The following PCDHGA7 variants were observed in gnomAD, a reference collection of about 807,000 sequenced individuals.
PCDHGA7 encodes protocadherin gamma-A7.
A neutral mutation model predicts 58.3 loss-of-function variants in PCDHGA7; 44 were observed. The ratio of observed to expected loss-of-function variants is 0.75; its 90% CI spans 0.59 to 0.97. PCDHGA7 has a LOEUF of 0.97. Ranked by LOEUF, PCDHGA7 falls within the 50% of genes least tolerant of loss-of-function variation. The pLI is 0.00. For missense variants in PCDHGA7, 1,266 were observed against 1,188.7 expected (o/e 1.06, Z -0.96); for synonymous variants, 516 against 504.2 (o/e 1.02, Z -0.31).
Position 141,408,609 on chromosome 5 carries a change from A to T in PCDHGA7, c.2424+23286A>T, listed in dbSNP as rs765291231. 3 of 1,613,970 alleles carry T rather than the reference A, an allele frequency of 1.9e-6. No homozygotes were observed. The highest frequency in any genetic ancestry group is 2.5e-6 in the Non-Finnish European group (3 of 1,179,916). On this transcript the variant is annotated intron_variant, in intron 1 of 3. Coordinates refer to ENST00000518325, the MANE Select transcript of PCDHGA7 (RefSeq NM_018920.4). ...GACCACGCCCCTCAATTTGATAAAA[A>T]GGAAATACATTTAGAAATTTTCGAA...
At chr5:141,428,185 G>T (rs775261215) in intron 1 of PCDHGA7, 286 of 1,446,232 alleles carry the variant, frequency 2.0e-4, no homozygotes, top group Non-Finnish European at 2.5e-4. Context: ...GAGGACAGCC[G>T]CCGCTCTCTG....
intron 2 of PCDHGA7, among the ~76,000 whole-genome samples, chr5:141,498,949 AAGAG>A (rs1417276243): frequency 1.3e-4 from 18 of 133,552 alleles, no homozygotes; most frequent in African/African-American, 1.9e-4. Context: ...AAGAAAGAAA[AAGAG>A]AGAGAGGGAG....
chr5:141,496,747 A>T (rs13188028), intron 2 of PCDHGA7, among the ~76,000 whole-genome samples: 1 of 152,124 alleles, frequency 6.6e-6, no homozygotes, highest in Non-Finnish European at 1.5e-5. Context: ...CATTTATTCA[A>T]CAAATATTTA....
intron 1 of PCDHGA7, among the ~76,000 whole-genome samples, chr5:141,400,971 C>T (rs1161811260): frequency 6.6e-6 from 1 of 152,138 alleles, no homozygotes; most frequent in African/African-American, 2.4e-5. Flanking sequence ...TCATCTCTTT[C>T]TTATGTTCCT....
At chr5:141,409,438 A>C (rs1459982502) in intron 1 of PCDHGA7, 1 of 1,613,866 alleles carries the variant, frequency 6.2e-7, no homozygotes, top group Non-Finnish European at 8.5e-7. Context: ...CCCTGGACCG[A>C]GAGCAGACAC....
chr5:141,413,989 G>C, intron 1 of PCDHGA7: 1 of 1,613,400 alleles, frequency 6.2e-7, no homozygotes, highest in East Asian at 2.2e-5. Context: ...CACAGCCACC[G>C]ACAGGGACGA....
intron 3 of PCDHGA7, among the ~76,000 whole-genome samples, chr5:141,510,504 G>A (rs371169260): frequency 1.3e-5 from 2 of 152,154 alleles, no homozygotes; most frequent in African/African-American, 4.8e-5. Flanking sequence ...AAGGAACTGA[G>A]AGCCCGTGTC....
At chr5:141,390,462 A>C in intron 1 of PCDHGA7, 1 of 732,308 alleles carries the variant, frequency 1.4e-6, no homozygotes, top group South Asian at 2.0e-5. Context: ...AAGTAGGAGC[A>C]ATTGTGTGGC....
At position 141,485,833 on chromosome 5, in the gene PCDHGA7, G is replaced by A. The variant is rs780944737; in HGVS notation, c.2425-8974G>A. 64 of 1,613,904 alleles carry A rather than the reference G, an allele frequency of 4.0e-5. No homozygotes were observed. Among genetic ancestry groups the A allele is most frequent in the Non-Finnish European group, 2.5e-6 (3 of 1,180,004 alleles). On this transcript the variant is annotated intron_variant, in intron 1 of 3. Coordinates refer to ENST00000518325, the MANE Select transcript of PCDHGA7 (RefSeq NM_018920.4). This position sits in a 1 kb window ranked among gnomAD's most constrained non-coding sequence, Gnocchi z 5.7. Reference sequence around the variant, plus strand: ...TGACTGCTGTCGATGGAGGGAACCCGCCGAGATCTGGCACCGCAGAGCTCC... The same window carrying A: ...TGACTGCTGTCGATGGAGGGAACCCACCGAGATCTGGCACCGCAGAGCTCC...
In PCDHGA7 at chr5:141,432,265, G is replaced by A. The variant is rs756993242; in HGVS notation, c.2424+46942G>A. On this transcript the variant is annotated intron_variant, in intron 1 of 3. Transcript: ENST00000518325. The surrounding 1 kb of genome is among the most constrained non-coding windows in gnomAD (Gnocchi z 6.0). ...ACACCATCCAAGGGGCAAGCCTATCGTCCTACGTGTCCATCAACTCCGACA... is the reference window on the plus strand; with the variant it reads ...ACACCATCCAAGGGGCAAGCCTATCATCCTACGTGTCCATCAACTCCGACA... 2.5e-6 allele frequency: 4 copies of A among 1,614,092 alleles called. No individual in the cohort carries two copies. The highest frequency in any genetic ancestry group is 1.7e-5 in the Admixed American group (1 of 60,004).
intron 1 of PCDHGA7, chr5:141,419,897 A>G: frequency 1.2e-6 from 2 of 1,613,960 alleles, no homozygotes; most frequent in African/African-American, 2.7e-5. Flanking sequence ...CGACCATCCC[A>G]CACCCTCTGA....
At chr5:141,415,079 C>A (rs1388248799) in intron 1 of PCDHGA7, 1 of 1,613,380 alleles carries the variant, frequency 6.2e-7, no homozygotes, top group Non-Finnish European at 8.5e-7. Context: ...ACGGCGCGAG[C>A]CCTGCTGGAC....
At chr5:141,465,657 G>A (rs904553709) in intron 1 of PCDHGA7, among the ~76,000 whole-genome samples, 4 of 152,130 alleles carry the variant, frequency 2.6e-5, no homozygotes, top group East Asian at 1.9e-4. Flanking sequence ...CCAAAAAAGC[G>A]CTTGCCATGA....
intron 1 of PCDHGA7, among the ~76,000 whole-genome samples, chr5:141,437,026 A>G (rs1398960659): frequency 6.6e-6 from 1 of 152,258 alleles, no homozygotes; most frequent in Non-Finnish European, 1.5e-5. Context: ...TCACCAGAAA[A>G]TGGATCACCG....
chr5:141,389,504 C>A (rs564944158), intron 1 of PCDHGA7: 1 of 1,613,088 alleles, frequency 6.2e-7, no homozygotes, highest in African/African-American at 1.3e-5. Flanking sequence ...CGCCAGCGCT[C>A]AGCGCGAACG....
At chr5:141,394,251 G>A (rs1380359596) in intron 1 of PCDHGA7, 1 of 1,613,744 alleles carries the variant, frequency 6.2e-7, no homozygotes, top group Non-Finnish European at 8.5e-7. Flanking sequence ...ACACGACCCC[G>A]ACAGCCAGGA....
chr5:141,419,123 A>G (rs2096330317), intron 1 of PCDHGA7: 1 of 1,613,766 alleles, frequency 6.2e-7, no homozygotes, highest in African/African-American at 1.3e-5. Context: ...CAACGTCACC[A>G]TCGCAGCCAC....
In PCDHGA7 at chr5:141,383,506, G is replaced by A; in HGVS notation, c.607G>A (p.Glu203Lys). 6.2e-7 allele frequency: 1 copy of A among 1,612,872 alleles called. No individual in the cohort carries two copies. Among genetic ancestry groups the A allele is most frequent in the Non-Finnish European group, 8.5e-7 (1 of 1,179,434 alleles). ...ELVLERVLDR[E>K]EERVHHLVLT... ...GGTGCTGGAGCGGGTGCTGGACCGG[G>A]AGGAAGAGCGGGTTCACCACCTGGT... Residue 203 changes from glutamate (E) to lysine (K), a missense_variant, in exon 1 of 4, where the codon GAG (glutamate) becomes AAG (lysine). Physicochemically the swap from Glu to Lys is moderately conservative, Grantham distance 56 (BLOSUM62 1). Coordinates refer to ENST00000518325, the MANE Select transcript of PCDHGA7 (RefSeq NM_018920.4).
intron 1 of PCDHGA7, among the ~76,000 whole-genome samples, chr5:141,401,910 T>A (rs562648950): frequency 2.1e-4 from 32 of 152,336 alleles, no homozygotes; most frequent in African/African-American, 5.3e-4. Flanking sequence ...AATTATTATA[T>A]AAGTTTAAGT....
Sources: allele counts gnomAD v4.1 joint callset (sites outside exome capture counted in the v4.1 genomes callset), GRCh38; gene constraint gnomAD v4.1.1; non-coding constraint Gnocchi (gnomAD v3.1); transcripts MANE v1.5; gene names NCBI Gene and HGNC (gene_info 2026-07-23, HGNC 2026-07-21).